The following FGF14 variants were observed in gnomAD, a reference collection of about 807,000 sequenced individuals.
FGF14 encodes fibroblast growth factor homologous factor 4.
Under a neutral mutation model 25.5 loss-of-function variants are expected in FGF14, and 5 were observed. The observed-to-expected ratio is 0.20, with a 90% confidence interval of 0.10 to 0.41. FGF14 has a LOEUF of 0.41. FGF14 is among the 10% of genes least tolerant of loss of function. The probability of loss-of-function intolerance (pLI) is 1.00; values close to 1 mark genes in which losing one functional copy is unlikely to be tolerated. For synonymous variants in FGF14, 138 were observed against 118.3 expected, an observed-to-expected ratio of 1.17 and a Z score of -1.08; for missense variants, 222 against 320.1, an observed-to-expected ratio of 0.69 and a Z score of 2.34.
At chr13:101,952,421 T>TC (rs1228847958) in intron 1 of FGF14, among the ~76,000 whole-genome samples, 1 of 152,018 alleles carries the variant, frequency 6.6e-6, no homozygotes, top group Non-Finnish European at 1.5e-5. Context: ...TACTTTTTTT[T>TC]TTTTCTGTCT....
At chr13:102,253,028 C>A (rs903941089) in intron 1 of FGF14, among the ~76,000 whole-genome samples, 1 of 152,178 alleles carries the variant, frequency 6.6e-6, no homozygotes, top group African/African-American at 2.4e-5. Context: ...CATAGTATTC[C>A]ATGGTGTATA....
chr13:102,378,993 G>T (rs1394224574), intron 1 of FGF14, among the ~76,000 whole-genome samples: 1 of 152,130 alleles, frequency 6.6e-6, no homozygotes, highest in Admixed American at 6.6e-5. Context: ...CTGTCTAGGA[G>T]TTGTACCAAA....
chr13:102,056,153 A>T (rs72662496), intron 1 of FGF14, among the ~76,000 whole-genome samples: 2,596 of 152,356 alleles, frequency 0.017, 23 homozygotes, highest in Middle Eastern at 0.031. Context: ...TCATTTATAC[A>T]TAGTCTACAG....
intron 1 of FGF14, among the ~76,000 whole-genome samples, chr13:102,083,417 T>A (rs750298109): frequency 6.8e-6 from 1 of 146,550 alleles, no homozygotes; most frequent in Non-Finnish European, 1.5e-5. Context: ...TCTCATTAAG[T>A]GTTGGGTTTT....
At chr13:102,307,196 C>T (rs1233347940) in intron 1 of FGF14, among the ~76,000 whole-genome samples, 2 of 152,084 alleles carry the variant, frequency 1.3e-5, no homozygotes, top group Admixed American at 6.6e-5. Flanking sequence ...AAGTGGAGAG[C>T]TCAATCCCAT....
intron 3 of FGF14, among the ~76,000 whole-genome samples, chr13:101,806,423 G>GAA (rs145519828): frequency 3.1e-4 from 19 of 60,406 alleles, no homozygotes; most frequent in African/African-American, 7.8e-4. Context: ...CGTCTAAGAA[G>GAA]AAAAAAAAAA....
At chr13:102,213,245 A>G (rs2050232484) in intron 1 of FGF14, among the ~76,000 whole-genome samples, 1 of 152,226 alleles carries the variant, frequency 6.6e-6, no homozygotes, top group Admixed American at 6.5e-5. Context: ...ACAGAGCTTT[A>G]CTTCTTTCCA....
Position 102,326,693 on chromosome 13 carries a change from GGGAAGGAAGGAA to G in FGF14, c.208+74766_208+74777del, listed in dbSNP as rs372687332. On this transcript the variant is annotated intron_variant, in intron 1 of 4. Transcript: ENST00000376131. The stretch of plus-strand genomic sequence containing the variant: ...GGGAAGGGAAGGGAAGGGAAGGGAA[GGGAAGGAAGGAA>G]GGAAGGAAGGAAGGAAGGAAGGAAG... Among the ~76,000 whole-genome samples the G allele has an allele frequency of 3.7e-3, 110 of 29,368 alleles. 3 individuals carry two copies. Among genetic ancestry groups the G allele is most frequent in the South Asian group, 0.018 (10 of 542 alleles). 19.3% of individuals were successfully genotyped at this position (29,368 alleles called of 152,430 possible).
chr13:102,206,289 G>A (rs1181493324), intron 1 of FGF14, among the ~76,000 whole-genome samples: 1 of 151,912 alleles, frequency 6.6e-6, no homozygotes, highest in African/African-American at 2.4e-5. Flanking sequence ...GTTTCCTAGG[G>A]TCCTACTCTG....
intron 1 of FGF14, among the ~76,000 whole-genome samples, chr13:102,054,346 T>G (rs1004103080): frequency 3.9e-5 from 6 of 152,208 alleles, no homozygotes; most frequent in Non-Finnish European, 7.3e-5. Flanking sequence ...TCTTTTATAG[T>G]GGACATAATG....
exon 1 of FGF14, chr13:102,401,535 G>A (rs778038878): frequency 1.9e-6 from 3 of 1,614,036 alleles, no homozygotes; most frequent in Non-Finnish European, 2.5e-6. Context: ...GCGTTCCTTT[G>A]CTGAAAATGT....
upstream of FGF14, among the ~76,000 whole-genome samples, chr13:101,919,985 G>A (rs1044584871): frequency 6.6e-6 from 1 of 152,164 alleles, no homozygotes; most frequent in Non-Finnish European, 1.5e-5. Flanking sequence ...CCTATTTTAA[G>A]GGATCTTGGA....
At chr13:102,085,863 G>A (rs2043870511) in intron 1 of FGF14, among the ~76,000 whole-genome samples, 1 of 152,126 alleles carries the variant, frequency 6.6e-6, no homozygotes, top group Non-Finnish European at 1.5e-5. Flanking sequence ...TATATATGGA[G>A]GAAAATCTGA....
At chr13:101,837,676 A>C (rs2042994077) in intron 3 of FGF14, among the ~76,000 whole-genome samples, 1 of 152,074 alleles carries the variant, frequency 6.6e-6, no homozygotes, top group South Asian at 2.1e-4. Context: ...ACAAACTCCT[A>C]AGTCAAACTT....
At chr13:101,969,014 C>T (rs1023194351) in intron 1 of FGF14, among the ~76,000 whole-genome samples, 46 of 152,044 alleles carry the variant, frequency 3.0e-4, no homozygotes, top group African/African-American at 1.1e-3. Flanking sequence ...ATGCCTAGAG[C>T]CTGAAGCTAG....
chr13:101,993,424 A>G (rs972913417), intron 1 of FGF14, among the ~76,000 whole-genome samples: 1 of 152,082 alleles, frequency 6.6e-6, no homozygotes, highest in Non-Finnish European at 1.5e-5. Context: ...AGAGCATTAG[A>G]TAATAAGTAA....
upstream of FGF14, among the ~76,000 whole-genome samples, chr13:101,919,271 CTG>C (rs1264718946): frequency 1.3e-5 from 2 of 151,716 alleles, no homozygotes; most frequent in African/African-American, 2.4e-5. Flanking sequence ...TTGCAAATGA[CTG>C]TAAGATTAAA....
intron 1 of FGF14, among the ~76,000 whole-genome samples, chr13:102,328,610 G>A (rs1283758063): frequency 6.6e-6 from 1 of 152,208 alleles, no homozygotes; most frequent in Non-Finnish European, 1.5e-5. Flanking sequence ...CTAGAGCACT[G>A]CCTGGTACAT....
rs574993225 is a variant in FGF14 at position 101,852,456 on chromosome 13, C to A, written c.408+16269G>T. On this transcript the variant is annotated intron_variant, in intron 3 of 4. Coordinates refer to ENST00000376143, the MANE Select transcript of FGF14 (RefSeq NM_004115.4). Reference sequence around the variant, plus strand: ...TTTCTTGAAGGAGGAAAAAAACAATCCCAAGTTACTTGCTGACAAAAGTCA... The same window carrying A: ...TTTCTTGAAGGAGGAAAAAAACAATACCAAGTTACTTGCTGACAAAAGTCA... Among the ~76,000 whole-genome samples the A allele has an allele frequency of 1.6e-3, 242 of 152,182 alleles. 1 individual carries two copies. Among genetic ancestry groups the A allele is most frequent in the African/African-American group, 5.6e-3 (234 of 41,546 alleles).
Sources: allele counts gnomAD v4.1 joint callset (sites outside exome capture counted in the v4.1 genomes callset), GRCh38; gene constraint gnomAD v4.1.1; transcripts MANE v1.5; gene names NCBI Gene and HGNC (gene_info 2026-07-23, HGNC 2026-07-21).